CAMKMT: variants seen among roughly 807,000 people sequenced by gnomAD.
CAMKMT encodes CaM KMT.
CAMKMT carries 53 observed loss-of-function variants against 48.0 expected under a neutral mutation model. The observed-to-expected ratio is 1.10, with a 90% confidence interval of 0.89 to 1.39. The LOEUF (loss-of-function observed/expected upper bound fraction) is 1.39. Among genes scored for constraint, CAMKMT ranks in the 40% most tolerant of loss-of-function variants. The pLI, the probability that CAMKMT is intolerant of heterozygous loss-of-function variation, is 0.00. For missense variants in CAMKMT, 428 were observed against 402.7 expected (o/e 1.06, Z -0.54); for synonymous variants, 165 against 152.3 (o/e 1.08, Z -0.61).
At chr2:44,732,017 T>C (rs985776346) in intron 7 of CAMKMT, among the ~76,000 whole-genome samples, 2 of 152,222 alleles carry the variant, frequency 1.3e-5, no homozygotes, top group African/African-American at 4.8e-5. Flanking sequence ...AGTGGCAAGA[T>C]CATAGCTCAC....
intron 3 of CAMKMT, among the ~76,000 whole-genome samples, chr2:44,406,851 C>T (rs557351538): frequency 8.1e-4 from 124 of 152,332 alleles, no homozygotes; most frequent in African/African-American, 2.8e-3. Flanking sequence ...AATCCGCCCA[C>T]CACACCACAT....
At chr2:44,607,950 C>A (rs965600284) in intron 3 of CAMKMT, among the ~76,000 whole-genome samples, 1 of 152,014 alleles carries the variant, frequency 6.6e-6, no homozygotes, top group Non-Finnish European at 1.5e-5. Flanking sequence ...CCACTTATAT[C>A]TCCATTCACC....
At chr2:44,739,871 G>C (rs1679575314) in intron 7 of CAMKMT, among the ~76,000 whole-genome samples, 2 of 152,132 alleles carry the variant, frequency 1.3e-5, no homozygotes, top group South Asian at 4.1e-4. Context: ...CTCCATGTTT[G>C]AATACTGATG....
At chr2:44,406,025 A>G (rs1399381782) in intron 3 of CAMKMT, among the ~76,000 whole-genome samples, 1 of 152,196 alleles carries the variant, frequency 6.6e-6, no homozygotes, top group Non-Finnish European at 1.5e-5. Flanking sequence ...GACCATATTT[A>G]ACTTGGAACC....
intron 3 of CAMKMT, among the ~76,000 whole-genome samples, chr2:44,421,288 T>C (rs1270983667): frequency 6.6e-6 from 1 of 152,144 alleles, no homozygotes; most frequent in Non-Finnish European, 1.5e-5. Flanking sequence ...TGGAATTTTT[T>C]TGGCAATGTG....
intron 3 of CAMKMT, among the ~76,000 whole-genome samples, chr2:44,517,394 G>C (rs1189716535): frequency 6.6e-6 from 1 of 152,110 alleles, no homozygotes; most frequent in Non-Finnish European, 1.5e-5. Flanking sequence ...ATTTTTCATT[G>C]CTAAATTGTT....
intron 8 of CAMKMT, among the ~76,000 whole-genome samples, chr2:44,746,737 C>A (rs1345367681): frequency 2.6e-5 from 4 of 152,116 alleles, no homozygotes; most frequent in African/African-American, 9.7e-5. Flanking sequence ...GAAAAAAAAC[C>A]TGCCTATTAA....
intron 7 of CAMKMT, chr2:44,723,888 T>A (rs1419073701): frequency 3.9e-5 from 6 of 152,152 alleles, no homozygotes; most frequent in Non-Finnish European, 1.5e-5. Context: ...AGTCCAGAAA[T>A]GTAAAATAAT....
intron 3 of CAMKMT, among the ~76,000 whole-genome samples, chr2:44,513,551 C>T (rs920357664): frequency 3.9e-5 from 6 of 152,092 alleles, no homozygotes; most frequent in African/African-American, 1.4e-4. Flanking sequence ...GACTGTGAAA[C>T]TTAAGAAAGA....
intron 3 of CAMKMT, among the ~76,000 whole-genome samples, chr2:44,477,341 C>G (rs1369809608): frequency 6.6e-6 from 1 of 152,140 alleles, no homozygotes; most frequent in African/African-American, 2.4e-5. Context: ...CTATATAAGT[C>G]TGGTGTATTG....
intron 3 of CAMKMT, among the ~76,000 whole-genome samples, chr2:44,610,913 T>G (rs4953117): frequency 1.3e-5 from 2 of 151,880 alleles, no homozygotes; most frequent in African/African-American, 4.8e-5. Context: ...CCTCAAGTCA[T>G]GAGAATGGAA....
chr2:44,414,662 C>A (rs907256359), intron 3 of CAMKMT, among the ~76,000 whole-genome samples: 3 of 152,132 alleles, frequency 2.0e-5, no homozygotes, highest in African/African-American at 7.2e-5. Context: ...CAACCCTAAT[C>A]CCCTGAGAGA....
chr2:44,705,919 A>G (rs894474875), intron 4 of CAMKMT, among the ~76,000 whole-genome samples: 23 of 152,168 alleles, frequency 1.5e-4, no homozygotes, highest in Non-Finnish European at 5.9e-5. Flanking sequence ...GAAGGAATGA[A>G]TGTGGATTAA....
At chr2:44,517,368 G>C (rs1670884859) in intron 3 of CAMKMT, among the ~76,000 whole-genome samples, 1 of 152,268 alleles carries the variant, frequency 6.6e-6, no homozygotes, top group East Asian at 1.9e-4. Flanking sequence ...AATATGTTAG[G>C]TAAAATACAG....
chr2:44,418,931 A>G (rs923923603), intron 3 of CAMKMT, among the ~76,000 whole-genome samples: 2 of 152,050 alleles, frequency 1.3e-5, no homozygotes, highest in African/African-American at 2.4e-5. Flanking sequence ...AAAGTTTTGT[A>G]TTTTTCATTT....
intron 3 of CAMKMT, among the ~76,000 whole-genome samples, chr2:44,433,856 C>T (rs1383999410): frequency 6.6e-6 from 1 of 152,070 alleles, no homozygotes; most frequent in Non-Finnish European, 1.5e-5. Flanking sequence ...AAAGATCTTG[C>T]TATAGTGGGA....
At chr2:44,748,668 C>T (rs995694172) in intron 8 of CAMKMT, among the ~76,000 whole-genome samples, 7 of 151,972 alleles carry the variant, frequency 4.6e-5, no homozygotes, top group Admixed American at 2.6e-4. Flanking sequence ...GTCAGGAGAT[C>T]GAGACCATCC....
chr2:44,586,448 T>C (rs57895122), intron 3 of CAMKMT, among the ~76,000 whole-genome samples: 19,297 of 152,188 alleles, frequency 0.13, 1,389 homozygotes, highest in Admixed American at 0.23. Flanking sequence ...TACCCTTCCC[T>C]AGGCAAATAT....
At chr2:44,683,834 A>AAAG (rs779276581) in intron 3 of CAMKMT, among the ~76,000 whole-genome samples, 1 of 146,018 alleles carries the variant, frequency 6.8e-6, no homozygotes, top group Non-Finnish European at 1.5e-5. Flanking sequence ...AAAAAAAAAA[A>AAAG]AAAAAAAAAG....
Sources: gnomAD v4.1 joint callset for allele counts (sites outside exome capture counted in the v4.1 genomes callset) on GRCh38, gnomAD v4.1.1 for gene constraint, MANE v1.5 for transcripts, NCBI Gene and HGNC (gene_info 2026-07-23, HGNC 2026-07-21) for gene names.